Variants in ABI3BP observed in about 807,000 individuals in gnomAD.
ABI3BP encodes the protein ABI family member 3 binding protein.
Under a neutral mutation model 268.6 loss-of-function variants are expected in ABI3BP, and 216 were observed. That is an observed-to-expected ratio of 0.80 (90% CI 0.72 to 0.90). ABI3BP has a LOEUF of 0.90. Ranked by LOEUF, ABI3BP falls within the 40% of genes least tolerant of loss-of-function variation. The probability of loss-of-function intolerance (pLI) is 0.00; values close to 1 mark genes in which losing one functional copy is unlikely to be tolerated. For missense variants in ABI3BP, 2,090 were observed against 2,182.4 expected (o/e 0.96, Z 0.84); for synonymous variants, 730 against 730.0 (o/e 1.00, Z 0.00).
intron 4 of ABI3BP, 73 bp downstream of exon 4, chr3:100,898,689 G>C: frequency 6.6e-7 from 1 of 1,507,474 alleles, no homozygotes; most frequent in Non-Finnish European, 9.0e-7. Context: ...TTAAGTCAAT[G>C]CTAACAGTCC....
intron 1 of ABI3BP, among the ~76,000 whole-genome samples, chr3:100,984,991 G>C (rs954360343): frequency 6.6e-6 from 1 of 151,956 alleles, no homozygotes; most frequent in Non-Finnish European, 1.5e-5. Context: ...CACTAAATAG[G>C]ATCTGAGAGA....
chr3:100,765,638 C>A (rs769437300), intron 63 of ABI3BP, among the ~76,000 whole-genome samples: 2 of 152,122 alleles, frequency 1.3e-5, no homozygotes, highest in Non-Finnish European at 2.9e-5. Flanking sequence ...ACCACCTTGT[C>A]AGCAATTTTA....
chr3:100,830,742 C>G, intron 31 of ABI3BP, 108 bp from the exon 32 acceptor site: 2 of 823,836 alleles, frequency 2.4e-6, no homozygotes, highest in Non-Finnish European at 1.9e-6. Flanking sequence ...AAAATTAATT[C>G]TTAATATCAT....
intron 15 of ABI3BP, 58 bp from the exon 16 acceptor site, chr3:100,850,792 C>G: frequency 7.6e-7 from 1 of 1,311,416 alleles, no homozygotes; most frequent in Non-Finnish European, 1.1e-6. Flanking sequence ...GAATAAAATA[C>G]AAATTCATGA....
At chr3:100,985,539 T>C (rs1177495326) in intron 1 of ABI3BP, among the ~76,000 whole-genome samples, 2 of 151,688 alleles carry the variant, frequency 1.3e-5, no homozygotes, top group Admixed American at 6.6e-5. Context: ...TTTTGTCGTT[T>C]CCTTTAAGAG....
chr3:100,861,651 A>G (rs935592308), intron 14 of ABI3BP, among the ~76,000 whole-genome samples: 6 of 152,072 alleles, frequency 3.9e-5, no homozygotes, highest in African/African-American at 1.4e-4. Flanking sequence ...TAAAAGAAAC[A>G]TATCTCAATC....
intron 45 of ABI3BP, 22 bp from the exon 46 acceptor site, chr3:100,812,545 T>C (rs1290596865): frequency 7.7e-7 from 1 of 1,304,852 alleles, no homozygotes; most frequent in Non-Finnish European, 9.8e-7. Flanking sequence ...CAGAAAATGG[T>C]ACAATTGATA....
At chr3:100,992,588 G>C (rs545212000) in intron 1 of ABI3BP, among the ~76,000 whole-genome samples, 5 of 152,250 alleles carry the variant, frequency 3.3e-5, no homozygotes, top group Non-Finnish European at 7.3e-5. Flanking sequence ...TTTATGTTCA[G>C]AGACAGGAGA....
At chr3:100,971,605 C>T (rs963828677) in intron 1 of ABI3BP, among the ~76,000 whole-genome samples, 2 of 152,134 alleles carry the variant, frequency 1.3e-5, no homozygotes, top group Non-Finnish European at 2.9e-5. Context: ...AAAGACAAAA[C>T]GTGCTTCCAC....
intron 61 of ABI3BP, among the ~76,000 whole-genome samples, chr3:100,773,489 C>G (rs3862285): frequency 0.27 from 41,763 of 152,056 alleles, 6,414 homozygotes; most frequent in East Asian, 0.63. Flanking sequence ...GGAACTAGAA[C>G]TCTCATCTCT....
At chr3:100,757,890 ATAATT>A (rs1304866945) in intron 63 of ABI3BP, among the ~76,000 whole-genome samples, 1 of 152,196 alleles carries the variant, frequency 6.6e-6, no homozygotes, top group Non-Finnish European at 1.5e-5. Flanking sequence ...TGCTTTTGTG[ATAATT>A]TAATTTTAAA....
intron 39 of ABI3BP, 144 bp downstream of exon 39, chr3:100,820,910 A>ACTT (rs1366594542): frequency 3.3e-5 from 24 of 727,742 alleles, no homozygotes; most frequent in Non-Finnish European, 5.3e-5. Flanking sequence ...AATTTTCAAT[A>ACTT]CTTTTAGGAT....
At chr3:100,843,955 G>A (rs6765403) in intron 20 of ABI3BP, 227,360 of 982,342 alleles carry the variant, frequency 0.23, 26,837 homozygotes, top group East Asian at 0.3. Context: ...TGAGTTCCTG[G>A]CTGAGTTTGA....
intron 1 of ABI3BP, among the ~76,000 whole-genome samples, chr3:100,931,264 CAT>C (rs1180851249): frequency 6.6e-6 from 1 of 152,134 alleles, no homozygotes; most frequent in Non-Finnish European, 1.5e-5. Flanking sequence ...AAGCTGGAAG[CAT>C]TTTCTCTGAG....
rs1405030789 is a variant in ABI3BP, at chr3:100,822,673, C to A, written c.2804-1G>T. 9 of 1,536,422 alleles carry A rather than the reference C, an allele frequency of 5.9e-6. No individual in the cohort carries two copies. Among genetic ancestry groups the A allele is most frequent in the Non-Finnish European group, 7.8e-6 (9 of 1,146,902 alleles). Reference sequence around the variant, plus strand: ...CGTGTCCGTTGTGATGTTTTGGAAGCTGAAGGAAGAAGTTCTTGGGTTACA... The same window carrying A: ...CGTGTCCGTTGTGATGTTTTGGAAGATGAAGGAAGAAGTTCTTGGGTTACA... On this transcript the variant is annotated splice_acceptor_variant, in intron 37 of 67. Transcript: ENST00000471714. LOFTEE classifies it high-confidence loss of function.
intron 14 of ABI3BP, among the ~76,000 whole-genome samples, chr3:100,861,092 C>G (rs1410851469): frequency 1.3e-5 from 2 of 152,100 alleles, no homozygotes; most frequent in Non-Finnish European, 2.9e-5. Context: ...GTTAATTGCA[C>G]TAGAATTTTA....
At chr3:100,808,554 A>G (rs1356488893) in intron 49 of ABI3BP, among the ~76,000 whole-genome samples, 1 of 152,112 alleles carries the variant, frequency 6.6e-6, no homozygotes, top group Non-Finnish European at 1.5e-5. Flanking sequence ...TTATAAGTTC[A>G]TATAATTTTA....
chr3:100,933,302 A>G (rs2153673492), intron 1 of ABI3BP, among the ~76,000 whole-genome samples: 1 of 152,102 alleles, frequency 6.6e-6, no homozygotes. Flanking sequence ...AAGAATAGCT[A>G]TAATACTGAT....
intron 55 of ABI3BP, among the ~76,000 whole-genome samples, chr3:100,790,536 T>A (rs547771881): frequency 3.0e-4 from 45 of 152,138 alleles, no homozygotes; most frequent in African/African-American, 1.0e-3. Flanking sequence ...ATAATGTAGC[T>A]CATTTATAAA....
Sources: gnomAD v4.1 joint callset for allele counts (sites outside exome capture counted in the v4.1 genomes callset) on GRCh38, gnomAD v4.1.1 for gene constraint, MANE v1.5 for transcripts, NCBI Gene and HGNC (gene_info 2026-07-23, HGNC 2026-07-21) for gene names.